Variants in NXPE2 observed in about 807,000 individuals in gnomAD.
NXPE2 encodes the protein neurexophilin and PC-esterase domain family member 2.
NXPE2 carries 34 observed loss-of-function variants against 34.4 expected under a neutral mutation model. That is an observed-to-expected ratio of 0.99 (90% CI 0.75 to 1.31). The LOEUF is 1.31. Among genes scored for constraint, NXPE2 ranks in the 40% most tolerant of loss-of-function variants. The pLI is 0.00. For synonymous variants in NXPE2, 235 were observed against 231.3 expected (o/e 1.02, Z -0.15); for missense variants, 649 against 672.5 (o/e 0.97, Z 0.39).
chr11:114,740,961 G>A, the NXPE2 span, among the ~76,000 whole-genome samples: 2 of 152,044 alleles, frequency 1.3e-5, no homozygotes, highest in Non-Finnish European at 2.9e-5. Flanking sequence ...AGTCTATTTT[G>A]TCTCATATAA....
the NXPE2 span, chr11:114,551,344 T>C: frequency 1.4e-6 from 2 of 1,406,456 alleles, no homozygotes; most frequent in African/African-American, 1.4e-5. Context: ...TCTTTCCCTC[T>C]GCTAACTAAC....
chr11:114,776,400 C>A, the NXPE2 span, among the ~76,000 whole-genome samples: 4 of 152,382 alleles, frequency 2.6e-5, no homozygotes, highest in African/African-American at 4.8e-5. Flanking sequence ...TGATAACAGA[C>A]GGCCTTGCCT....
At chr11:114,591,897 A>G in the NXPE2 span, among the ~76,000 whole-genome samples, 1 of 152,140 alleles carries the variant, frequency 6.6e-6, no homozygotes, top group Non-Finnish European at 1.5e-5. Flanking sequence ...TTGAAAGTCC[A>G]TTTGTCAGGT....
the NXPE2 span, among the ~76,000 whole-genome samples, chr11:114,773,275 T>TCCCCCCCCCCCCCCCCCCCCCTC: frequency 2.6e-5 from 1 of 38,414 alleles, no homozygotes; most frequent in Non-Finnish European, 5.2e-5. Context: ...CACAACCCAC[T>TCCCCCCCCCCCCCCCCCCCCCTC]CCCACCCCCC....
chr11:114,571,816 C>A, the NXPE2 span, among the ~76,000 whole-genome samples: 1 of 152,262 alleles, frequency 6.6e-6, no homozygotes, highest in Non-Finnish European at 1.5e-5. Context: ...TTTGAAGGAA[C>A]AGGATCACCA....
chr11:114,468,106 C>T, the NXPE2 span, among the ~76,000 whole-genome samples: 1 of 146,698 alleles, frequency 6.8e-6, no homozygotes, highest in Non-Finnish European at 1.5e-5. Flanking sequence ...ATAAAATACA[C>T]TAATACTAAT....
At chr11:114,555,094 C>T in the NXPE2 span, among the ~76,000 whole-genome samples, 1 of 150,950 alleles carries the variant, frequency 6.6e-6, no homozygotes, top group Non-Finnish European at 1.5e-5. Flanking sequence ...TTAAGTATCT[C>T]TTCAATTTGT....
the NXPE2 span, among the ~76,000 whole-genome samples, chr11:114,478,087 C>G: frequency 6.6e-6 from 1 of 151,098 alleles, no homozygotes; most frequent in African/African-American, 2.4e-5. Flanking sequence ...ACCCCAAGTA[C>G]GAAAGAGGTT....
the NXPE2 span, chr11:114,522,518 A>G: frequency 5.8e-6 from 9 of 1,551,948 alleles, no homozygotes; most frequent in East Asian, 2.0e-4. Context: ...TAAAAAAACA[A>G]ATAGATGTTT....
At chr11:114,556,419 G>A in the NXPE2 span, among the ~76,000 whole-genome samples, 1 of 152,106 alleles carries the variant, frequency 6.6e-6, no homozygotes, top group Non-Finnish European at 1.5e-5. Context: ...AGATTTGAGA[G>A]TAGATTTCAG....
At chr11:114,531,627 A>T in the NXPE2 span, among the ~76,000 whole-genome samples, 1 of 152,042 alleles carries the variant, frequency 6.6e-6, no homozygotes, top group African/African-American at 2.4e-5. Context: ...TTTCAACTCT[A>T]CTTCTTGCTA....
chr11:114,503,780 T>C, the NXPE2 span, among the ~76,000 whole-genome samples: 1 of 152,226 alleles, frequency 6.6e-6, no homozygotes, highest in Non-Finnish European at 1.5e-5. Context: ...CACTGCTCTC[T>C]AGTTTGAAAA....
At chr11:114,533,266 T>C in the NXPE2 span, among the ~76,000 whole-genome samples, 1 of 152,090 alleles carries the variant, frequency 6.6e-6, no homozygotes, top group Non-Finnish European at 1.5e-5. Flanking sequence ...ACTCACAAAC[T>C]CAAAAGCATT....
At chr11:114,652,591 ATATGTTAACT>A in the NXPE2 span, among the ~76,000 whole-genome samples, 1 of 152,224 alleles carries the variant, frequency 6.6e-6, no homozygotes, top group Non-Finnish European at 1.5e-5. Context: ...GTTGCTCGAC[ATATGTTAACT>A]GTTATTGTCA....
chr11:114,689,758 T>G (rs1382731814), intron 2 of NXPE2, among the ~76,000 whole-genome samples: 1 of 152,212 alleles, frequency 6.6e-6, no homozygotes, highest in Non-Finnish European at 1.5e-5. Context: ...GTAATTGTTT[T>G]ATAAACCTTG....
chr11:114,601,659 A>ATTT, the NXPE2 span, among the ~76,000 whole-genome samples: 19 of 38,074 alleles, frequency 5.0e-4, no homozygotes, highest in African/African-American at 2.1e-3. Flanking sequence ...ATATATTATA[A>ATTT]ATAATTATAT....
chr11:114,794,503 C>T, the NXPE2 span, among the ~76,000 whole-genome samples: 2 of 152,082 alleles, frequency 1.3e-5, no homozygotes, highest in Admixed American at 1.3e-4. Flanking sequence ...GCAATAGAAA[C>T]CAACTAGACT....
At chr11:114,627,312 G>T in the NXPE2 span, among the ~76,000 whole-genome samples, 1 of 152,124 alleles carries the variant, frequency 6.6e-6, no homozygotes, top group Non-Finnish European at 1.5e-5. Context: ...CAGACTAACA[G>T]CAGATCTCTT....
chr11:114,470,599 G>A, the NXPE2 span, among the ~76,000 whole-genome samples: 21 of 143,578 alleles, frequency 1.5e-4, no homozygotes, highest in Non-Finnish European at 2.5e-4. Context: ...GTGTGTGTGT[G>A]TGTGTGTGTG....
Sources: gnomAD v4.1 joint callset for allele counts (sites outside exome capture counted in the v4.1 genomes callset) on GRCh38, gnomAD v4.1.1 for gene constraint, MANE v1.5 for transcripts, NCBI Gene and HGNC (gene_info 2026-07-23, HGNC 2026-07-21) for gene names.